CAPZA2: variants seen among roughly 807,000 people sequenced by gnomAD.
CAPZA2 encodes F-actin-capping protein subunit alpha-2.
Under a neutral mutation model 44.0 loss-of-function variants are expected in CAPZA2, and 13 were observed. The ratio of observed to expected loss-of-function variants is 0.30; its 90% CI spans 0.19 to 0.47. The LOEUF (loss-of-function observed/expected upper bound fraction) is 0.47. Ranked by LOEUF, CAPZA2 falls within the 20% of genes least tolerant of loss-of-function variation. The pLI is 1.00. For missense variants in CAPZA2, 244 were observed against 338.6 expected (o/e 0.72, Z 2.19); for synonymous variants, 94 against 108.2 (o/e 0.87, Z 0.81).
chr7:116,911,840 C>T (rs1791601631), intron 7 of CAPZA2, among the ~76,000 whole-genome samples: 1 of 152,174 alleles, frequency 6.6e-6, no homozygotes, highest in South Asian at 2.1e-4. Flanking sequence ...GTCCAGCAGT[C>T]AGGTCAATAG....
chr7:116,890,483 C>A (rs1265982668), intron 2 of CAPZA2, among the ~76,000 whole-genome samples: 1 of 132,868 alleles, frequency 7.5e-6, no homozygotes, highest in East Asian at 2.2e-4. Context: ...CCAGCCTGGC[C>A]AACATGGTGA....
chr7:116,886,171 A>C lies in CAPZA2; in HGVS notation c.40-1956A>C, dbSNP rs1049264934. ...GTACTTTAGATCATTTACTCTTCCC[A>C]AAAATTCTATGAGCTAGTTACTATT... On this transcript the variant is annotated intron_variant, in intron 1 of 9. Coordinates refer to ENST00000361183, the MANE Select transcript of CAPZA2 (RefSeq NM_006136.3). 4 of 154,866 alleles carry C rather than the reference A, an allele frequency of 2.6e-5. No individual in the cohort carries two copies. In the Admixed American group the frequency reaches 2.6e-4, roughly 10 times the overall value. The allele number at this position is 154,866 out of a possible 1,614,324, so 9.6% of individuals were successfully genotyped here.
chr7:116,914,122 G>T (rs1797721082), intron 8 of CAPZA2, among the ~76,000 whole-genome samples: 1 of 150,860 alleles, frequency 6.6e-6, no homozygotes, highest in Non-Finnish European at 1.5e-5. Flanking sequence ...CCGCCTCCTG[G>T]GTTCACGCCA....
chr7:116,862,735 G>A (rs1212474091), intron 1 of CAPZA2, 85 bp downstream of exon 1: 5 of 1,427,612 alleles, frequency 3.5e-6, no homozygotes, highest in Non-Finnish European at 4.7e-6. Flanking sequence ...CGCGGGGGAA[G>A]GGCATTGGCC....
At chr7:116,889,751 A>G (rs1796806719) in intron 2 of CAPZA2, among the ~76,000 whole-genome samples, 1 of 152,204 alleles carries the variant, frequency 6.6e-6, no homozygotes, top group Non-Finnish European at 1.5e-5. Flanking sequence ...GCATTTTAAA[A>G]TTTAACTACT....
chr7:116,877,121 C>G (rs1796632211), intron 1 of CAPZA2, among the ~76,000 whole-genome samples: 1 of 152,190 alleles, frequency 6.6e-6, no homozygotes, highest in African/African-American at 2.4e-5. Context: ...ATTCAGGGCT[C>G]TCCCTGTTTT....
chr7:116,865,195 T>C (rs1796468213), intron 1 of CAPZA2, among the ~76,000 whole-genome samples: 1 of 143,742 alleles, frequency 7.0e-6, no homozygotes, highest in Non-Finnish European at 1.5e-5. Context: ...TTTTTTTTTT[T>C]TTTTTTTTGA....
chr7:116,871,090 A>C, intron 1 of CAPZA2, among the ~76,000 whole-genome samples: 1 of 152,242 alleles, frequency 6.6e-6, no homozygotes, highest in Non-Finnish European at 1.5e-5. Context: ...TGTGGGTTAA[A>C]GCGAGATGGG....
At chr7:116,901,460 A>T (rs2115952201) in intron 4 of CAPZA2, among the ~76,000 whole-genome samples, 1 of 152,278 alleles carries the variant, frequency 6.6e-6, no homozygotes, top group South Asian at 2.1e-4. Flanking sequence ...GGAGATAATG[A>T]TGAGAACACA....
intron 4 of CAPZA2, among the ~76,000 whole-genome samples, chr7:116,902,698 A>C (rs1411047932): frequency 6.6e-6 from 1 of 152,174 alleles, no homozygotes; most frequent in Non-Finnish European, 1.5e-5. Context: ...TAAAAACATC[A>C]GTATGTTAAA....
intron 1 of CAPZA2, among the ~76,000 whole-genome samples, chr7:116,869,938 C>T (rs376018012): frequency 1.3e-5 from 2 of 152,128 alleles, no homozygotes; most frequent in African/African-American, 2.4e-5. Flanking sequence ...GGCACAATCT[C>T]GGCTCACTGC....
At chr7:116,892,102 G>A (rs759691568) in intron 2 of CAPZA2, among the ~76,000 whole-genome samples, 6 of 152,060 alleles carry the variant, frequency 3.9e-5, no homozygotes, top group Non-Finnish European at 5.9e-5. Context: ...TATTACAAAT[G>A]TATTTCCATG....
intron 2 of CAPZA2, among the ~76,000 whole-genome samples, chr7:116,890,525 A>AAATATATATATAT (rs1554409611): frequency 3.7e-5 from 1 of 27,222 alleles, no homozygotes; most frequent in Non-Finnish European, 6.2e-5. Flanking sequence ...AAAAAAAAAA[A>AAATATATATATAT]ATATATATAT....
intron 1 of CAPZA2, among the ~76,000 whole-genome samples, chr7:116,865,177 CTTTTTTTTTTTTT>C (rs1011886318): frequency 9.1e-5 from 8 of 87,990 alleles, no homozygotes; most frequent in East Asian, 4.0e-4. Flanking sequence ...GCGCTCTCTT[CTTTTTTTTTTTTT>C]TTTTTTTTTT....
At chr7:116,911,179 C>T (rs529023221) in intron 7 of CAPZA2, among the ~76,000 whole-genome samples, 7 of 152,162 alleles carry the variant, frequency 4.6e-5, no homozygotes, top group Admixed American at 3.3e-4. Flanking sequence ...AATGGTGCCC[C>T]TTGTAGGACC....
intron 8 of CAPZA2, among the ~76,000 whole-genome samples, chr7:116,912,953 G>A (rs559760906): frequency 3.3e-5 from 5 of 152,122 alleles, no homozygotes; most frequent in Admixed American, 6.5e-5. Flanking sequence ...TCCAAAATGT[G>A]TCCTTTTGAT....
intron 8 of CAPZA2, chr7:116,915,615 C>T (rs1029351506): frequency 6.7e-6 from 1 of 150,222 alleles, no homozygotes; most frequent in Admixed American, 6.6e-5. Context: ...AAAAAATTTC[C>T]AGAAAAATAC....
At chr7:116,911,437 T>G (rs1164986409) in intron 7 of CAPZA2, among the ~76,000 whole-genome samples, 1 of 152,156 alleles carries the variant, frequency 6.6e-6, no homozygotes, top group African/African-American at 2.4e-5. Flanking sequence ...AGTTGACTGG[T>G]TTGCTACCTG....
rs1013953586 is a variant in CAPZA2 at position 116,918,668 on chromosome 7, T to C, written c.*801T>C. ...GAACTCATGACCATGTCTCGGTTTA[T>C]TTTTTTTTTCTTGGATTGAAAAGTA... On this transcript the variant is annotated 3_prime_UTR_variant, in exon 10 of 10. Coordinates refer to ENST00000361183, the MANE Select transcript of CAPZA2 (RefSeq NM_006136.3). 1.3e-5 allele frequency: 2 copies of C among 150,560 alleles called. No homozygotes were observed. Among genetic ancestry groups the C allele is most frequent in the Admixed American group, 6.6e-5 (1 of 15,056 alleles). The allele number at this position is 150,560 out of a possible 1,614,324, so 9.3% of individuals were successfully genotyped here.
Sources: allele counts gnomAD v4.1 joint callset (sites outside exome capture counted in the v4.1 genomes callset), GRCh38; gene constraint gnomAD v4.1.1; transcripts MANE v1.5; gene names NCBI Gene and HGNC (gene_info 2026-07-23, HGNC 2026-07-21).